The following ADAMTS6 variants were observed in gnomAD, a reference collection of about 807,000 sequenced individuals.
ADAMTS6 encodes the protein A disintegrin and metalloproteinase with thrombospondin motifs 6.
ADAMTS6 carries 23 observed loss-of-function variants against 144.3 expected under a neutral mutation model. That is an observed-to-expected ratio of 0.16 (90% confidence interval 0.11 to 0.23). The LOEUF (loss-of-function observed/expected upper bound fraction) is 0.23. ADAMTS6 is among the 10% of genes least tolerant of loss of function. The pLI is 1.00. For missense variants in ADAMTS6, 999 were observed against 1,379.6 expected, an observed-to-expected ratio of 0.72 and a Z score of 4.37; for synonymous variants, 444 against 457.5, an observed-to-expected ratio of 0.97 and a Z score of 0.38.
chr5:65,224,797 C>T, intron 17 of ADAMTS6, 127 bp downstream of exon 17: 1 of 1,124,480 alleles, frequency 8.9e-7, no homozygotes, highest in Non-Finnish European at 1.2e-6. Flanking sequence ...TGACTGAAAG[C>T]AATTTGGGGA....
In ADAMTS6 at chr5:65,149,692, A is replaced by C. The variant is rs1366013693; in HGVS notation, c.*2144T>G. Reference sequence around the variant, plus strand: ...TGGAGAAAATCAGATCTGGATTGCAAACCTATGCCTAAAATGCCACAGAAA... The same window carrying C: ...TGGAGAAAATCAGATCTGGATTGCACACCTATGCCTAAAATGCCACAGAAA... On this transcript the variant is annotated 3_prime_UTR_variant, in exon 25 of 25. Transcript: ENST00000381055. 1 of 152,650 alleles carries C rather than the reference A, an allele frequency of 6.6e-6. No individual in the cohort carries two copies. The highest frequency in any genetic ancestry group is 1.5e-5 in the Non-Finnish European group (1 of 68,042). 9.5% of individuals were successfully genotyped at this position (152,650 alleles called of 1,614,324 possible). A position where few individuals can be genotyped will look rare whatever the true frequency, so the allele number is the denominator to read the frequency against.
chr5:65,156,298 TA>T (rs943230218), intron 24 of ADAMTS6, among the ~76,000 whole-genome samples: 2 of 147,808 alleles, frequency 1.4e-5, no homozygotes, highest in African/African-American at 2.6e-5. Flanking sequence ...TACTATTGTT[TA>T]AAAAAAACAC....
chr5:65,299,966 C>T lies in ADAMTS6; in HGVS notation c.1370+19G>A, dbSNP rs757979635. The T allele has an allele frequency of 1.2e-5, 20 of 1,607,176 alleles. No homozygotes were observed. The highest frequency in any genetic ancestry group is 1.6e-5 in the Non-Finnish European group (19 of 1,176,860). On this transcript the variant is annotated intron_variant, in intron 10 of 24. Coordinates refer to ENST00000381055, the MANE Select transcript of ADAMTS6 (RefSeq NM_197941.4). ...TTACTTCTGGAGCTATTTATCATCA[C>T]TCTCCAGAGATTACTTACTCTAGAA... is the stretch of plus-strand genomic sequence containing the variant.
chr5:65,392,690 G>A (rs760055449), intron 7 of ADAMTS6, among the ~76,000 whole-genome samples: 23 of 152,068 alleles, frequency 1.5e-4, no homozygotes, highest in Non-Finnish European at 3.4e-4. Flanking sequence ...TCTTTGCAAA[G>A]TTAAATTATC....
chr5:65,249,334 A>G lies in ADAMTS6; in HGVS notation c.1831-7128T>C, dbSNP rs189367701. ...TCACTCCACCAGAAAAAGGAAGAAA[A>G]GCTTCAGATGAAAATGCGTACAACT... On this transcript the variant is annotated intron_variant, in intron 14 of 24. Transcript: ENST00000381055. 2.8e-3 allele frequency among the ~76,000 whole-genome samples: 430 copies of G among 152,266 alleles called. 2 individuals carry two copies. Among genetic ancestry groups the G allele is most frequent in the African/African-American group, 9.9e-3 (413 of 41,544 alleles).
At chr5:65,455,381 A>C (rs139210187) in intron 4 of ADAMTS6, among the ~76,000 whole-genome samples, 2,352 of 152,220 alleles carry the variant, frequency 0.015, 30 homozygotes, top group Non-Finnish European at 0.023. Flanking sequence ...GTCTCTACTT[A>C]AAATACAAAA....
chr5:65,313,385 T>C (rs1183621188), intron 9 of ADAMTS6, among the ~76,000 whole-genome samples: 1 of 152,124 alleles, frequency 6.6e-6, no homozygotes, highest in African/African-American at 2.4e-5. Flanking sequence ...GTCCACATTA[T>C]GTGAATGTCT....
At chr5:65,346,859 C>A (rs1360387894) in intron 7 of ADAMTS6, among the ~76,000 whole-genome samples, 1 of 150,348 alleles carries the variant, frequency 6.7e-6, no homozygotes, top group Non-Finnish European at 1.5e-5. Flanking sequence ...ATACGGAATA[C>A]AAAATCAATG....
At chr5:65,412,423 G>C (rs575332880) in intron 7 of ADAMTS6, among the ~76,000 whole-genome samples, 1 of 151,596 alleles carries the variant, frequency 6.6e-6, no homozygotes, top group African/African-American at 2.4e-5. Flanking sequence ...CATGCACACA[G>C]GCACACAAAC....
rs527926769 is a variant in ADAMTS6, at chr5:65,404,066, T to G, written c.1073+47409A>C. On this transcript the variant is annotated intron_variant, in intron 7 of 24. Coordinates refer to ENST00000381055, the MANE Select transcript of ADAMTS6 (RefSeq NM_197941.4). ...AATCCAGAGATTATATACCAAATCCTGAAAAAACTCCAATAAACCATGACA... is the reference window on the plus strand; with the variant it reads ...AATCCAGAGATTATATACCAAATCCGGAAAAAACTCCAATAAACCATGACA... Among the ~76,000 whole-genome samples, 24 of 152,174 alleles carry G rather than the reference T, an allele frequency of 1.6e-4. No homozygotes were observed. In the East Asian group the frequency reaches 3.7e-3, roughly 23 times the overall value.
intron 7 of ADAMTS6, among the ~76,000 whole-genome samples, chr5:65,381,352 T>C (rs1056430697): frequency 1.3e-5 from 2 of 151,046 alleles, no homozygotes; most frequent in Non-Finnish European, 2.9e-5. Flanking sequence ...ATGGAAACTA[T>C]GAAGGATTAT....
intron 7 of ADAMTS6, among the ~76,000 whole-genome samples, chr5:65,438,222 T>C (rs772791319): frequency 2.0e-5 from 3 of 152,140 alleles, no homozygotes; most frequent in African/African-American, 4.8e-5. Context: ...GCTTCACCAA[T>C]GCTCAGTATA....
rs117485196 is a variant in ADAMTS6, at chr5:65,384,409, A to T, written c.1074-50324T>A. Among the ~76,000 whole-genome samples, 13 of 152,280 alleles carry T rather than the reference A, an allele frequency of 8.5e-5. No individual in the cohort carries two copies. In the East Asian group the frequency reaches 2.1e-3, roughly 25 times the overall value. On this transcript the variant is annotated intron_variant, in intron 7 of 24. Coordinates refer to ENST00000381055, the MANE Select transcript of ADAMTS6 (RefSeq NM_197941.4). ...TGCTTAGATATTTCTTCTGCCCAAT[A>T]TCCTATTTCATCACTCAGAAGTTCC...
chr5:65,267,017 G>A (rs1204288961), intron 12 of ADAMTS6, among the ~76,000 whole-genome samples: 2 of 151,970 alleles, frequency 1.3e-5, no homozygotes, highest in East Asian at 3.8e-4. Context: ...TTTAATGTGT[G>A]TAAATAATGA....
intron 8 of ADAMTS6, among the ~76,000 whole-genome samples, chr5:65,330,577 C>T (rs1746615767): frequency 6.6e-6 from 1 of 152,008 alleles, no homozygotes; most frequent in African/African-American, 2.4e-5. Context: ...TATAATTTCC[C>T]AGCTGTACTA....
intron 1 of ADAMTS6, among the ~76,000 whole-genome samples, chr5:65,475,486 A>G (rs943144026): frequency 1.3e-5 from 2 of 152,226 alleles, no homozygotes; most frequent in African/African-American, 2.4e-5. Context: ...CTAAGTAACA[A>G]GGAAAAATGT....
At chr5:65,437,031 A>G (rs1047406630) in intron 7 of ADAMTS6, among the ~76,000 whole-genome samples, 1 of 152,104 alleles carries the variant, frequency 6.6e-6, no homozygotes, top group Non-Finnish European at 1.5e-5. Context: ...AATCATAGCA[A>G]AAGGTGAAAG....
intron 20 of ADAMTS6, among the ~76,000 whole-genome samples, chr5:65,211,463 G>A (rs1444669751): frequency 2.6e-5 from 4 of 151,954 alleles, no homozygotes; most frequent in East Asian, 1.9e-4. Context: ...TTAGCCAGGC[G>A]TGTTGGTGGG....
chr5:65,300,973 C>A (rs1204731349), intron 9 of ADAMTS6, among the ~76,000 whole-genome samples: 1 of 152,154 alleles, frequency 6.6e-6, no homozygotes, highest in African/African-American at 2.4e-5. Context: ...GAGAATTTAA[C>A]ACACATGTAA....
Sources: allele counts gnomAD v4.1 joint callset (sites outside exome capture counted in the v4.1 genomes callset), GRCh38; gene constraint gnomAD v4.1.1; transcripts MANE v1.5; gene names NCBI Gene and HGNC (gene_info 2026-07-23, HGNC 2026-07-21).